The following ZFYVE9 variants were observed in gnomAD, a reference collection of about 807,000 sequenced individuals.
The protein encoded by ZFYVE9 is zinc finger FYVE domain-containing protein 9.
ZFYVE9 carries 43 observed loss-of-function variants against 126.7 expected under a neutral mutation model. The observed-to-expected ratio is 0.34, with a 90% confidence interval of 0.27 to 0.44. ZFYVE9 has a LOEUF of 0.44. ZFYVE9 is among the 20% of genes least tolerant of loss of function. The probability of loss-of-function intolerance (pLI) is 1.00; values close to 1 mark genes in which losing one functional copy is unlikely to be tolerated. For synonymous variants in ZFYVE9, 521 were observed against 597.4 expected, an observed-to-expected ratio of 0.87 and a Z score of 1.87; for missense variants, 1,476 against 1,697.0, an observed-to-expected ratio of 0.87 and a Z score of 2.29.
chr1:52,293,677 C>A lies in ZFYVE9; in HGVS notation c.3250C>A (p.Leu1084Ile). 1 of 1,613,154 alleles carries A rather than the reference C, an allele frequency of 6.2e-7. No individual in the cohort carries two copies. Among genetic ancestry groups the A allele is most frequent in the East Asian group, 2.2e-5 (1 of 44,854 alleles). ...LMLRLGAEYR[L>I]YPCPLFSVRF... ...GTTGAGACTTGGAGCTGAATATCGA[C>A]GTAAGTAGTAAAAACACGTTTTTCA... is the stretch of plus-strand genomic sequence containing the variant. Residue 1084 changes from leucine (L) to isoleucine (I), a missense_variant and splice_region_variant, in exon 11 of 19, where the codon CTT (leucine) becomes ATT (isoleucine). Leu to Ile is a conservative substitution (Grantham distance 5). Around this residue, in one of 2 missense-constraint regions of ZFYVE9, gnomAD observed 669 missense variants for 902.4 expected, o/e 0.74. Coordinates refer to ENST00000287727, the MANE Select transcript of ZFYVE9 (RefSeq NM_004799.4).
Position 52,337,852 on chromosome 1 carries a change from ACC to A in ZFYVE9, c.3752_3753del (p.Thr1251MetfsTer20). 1 of 1,614,244 alleles carries A rather than the reference ACC, an allele frequency of 6.2e-7. No homozygotes were observed. The highest frequency in any genetic ancestry group is 2.2e-5 in the East Asian group (1 of 44,882). On this transcript the variant is annotated frameshift_variant, in exon 16 of 19. Transcript: ENST00000287727. LOFTEE classifies it high-confidence loss of function. ...GCGAGAGATGAAGGACTTCACCATCACCTGTGGGAAGGCGGACGCGGAGGAAC... is the reference window on the plus strand; with the variant it reads ...GCGAGAGATGAAGGACTTCACCATCATGTGGGAAGGCGGACGCGGAGGAAC... ...ALREMKDFTI[T>X]CGKADAEEPQ... is the part of the protein sequence containing the mutation.
At chr1:52,184,726 T>A (rs1644748612) in intron 1 of ZFYVE9, among the ~76,000 whole-genome samples, 1 of 152,068 alleles carries the variant, frequency 6.6e-6, no homozygotes, top group South Asian at 2.1e-4. Flanking sequence ...TAGCTGCTAA[T>A]GTTCAGTGTA....
At chr1:52,298,806 G>GTTTTT (rs747544817) in intron 12 of ZFYVE9, among the ~76,000 whole-genome samples, 26 of 109,164 alleles carry the variant, frequency 2.4e-4, no homozygotes, top group South Asian at 1.2e-3. Flanking sequence ...CTTTGTCAAT[G>GTTTTT]TTTTTTTTTT....
intron 16 of ZFYVE9, among the ~76,000 whole-genome samples, chr1:52,338,561 T>C (rs1389832692): frequency 6.6e-6 from 1 of 152,232 alleles, no homozygotes. Flanking sequence ...CTTTGTATCC[T>C]TTCTCAAAGG....
At chr1:52,147,319 G>GT (rs1227058068) in intron 1 of ZFYVE9, among the ~76,000 whole-genome samples, 2 of 152,200 alleles carry the variant, frequency 1.3e-5, no homozygotes, top group Non-Finnish European at 2.9e-5. Flanking sequence ...TCACAGAGTT[G>GT]TGCAAACATC....
chr1:52,161,723 T>C (rs1644461661), intron 1 of ZFYVE9, among the ~76,000 whole-genome samples: 1 of 152,228 alleles, frequency 6.6e-6, no homozygotes, highest in Non-Finnish European at 1.5e-5. Flanking sequence ...TTTTCTTTTA[T>C]AGCTTCAAAC....
At chr1:52,276,713 T>A (rs906356707) in intron 8 of ZFYVE9, among the ~76,000 whole-genome samples, 2 of 152,236 alleles carry the variant, frequency 1.3e-5, no homozygotes, top group Non-Finnish European at 2.9e-5. Flanking sequence ...AATGGTTAAT[T>A]CTTCTCTGAA....
intron 13 of ZFYVE9, among the ~76,000 whole-genome samples, chr1:52,329,236 A>G (rs897119281): frequency 3.9e-5 from 6 of 152,236 alleles, no homozygotes; most frequent in African/African-American, 9.6e-5. Context: ...GGGGCCCTTA[A>G]TAGCCCTTCG....
chr1:52,318,639 C>T (rs372490057), intron 13 of ZFYVE9, among the ~76,000 whole-genome samples: 5 of 151,788 alleles, frequency 3.3e-5, no homozygotes, highest in African/African-American at 9.7e-5. Context: ...AAAAGACTGT[C>T]GGTATTCATG....
chr1:52,238,987 G>A lies in ZFYVE9; in HGVS notation c.1570G>A (p.Gly524Arg). The change falls in exon 4 of 19, where the codon GGA (glycine) becomes AGA (arginine). Residue 524 changes from glycine to arginine, a missense_variant. This residue lies in a region of ZFYVE9 where 807 missense variants were observed against 794.6 expected (regional missense o/e 1.02). Transcript: ENST00000287727. ...ECYSNIYEQR[G>R]NEATEGSGLL... ...CTACTCAAATATTTATGAACAGAGA[G>A]GAAATGAGGCCACAGAAGGGAGTGG... 1.9e-6 allele frequency: 3 copies of A among 1,614,132 alleles called. No homozygotes were observed. The highest frequency in any genetic ancestry group is 2.5e-6 in the Non-Finnish European group (3 of 1,180,004).
rs1240618548 is a variant in ZFYVE9 at position 52,205,153 on chromosome 1, C to T, written c.-142-11216C>T. On this transcript the variant is annotated intron_variant, in intron 1 of 18. Coordinates refer to ENST00000287727, the MANE Select transcript of ZFYVE9 (RefSeq NM_004799.4). ...GCGGTGGCATGATCTGGGTTCACTG[C>T]AGCCTCGCCCTCCTGGGCTCAAGCA... Among the ~76,000 whole-genome samples, 7 of 148,638 alleles carry T rather than the reference C, an allele frequency of 4.7e-5. No homozygotes were observed. The East Asian group carries it at 1.4e-3, about 29-fold the overall frequency.
In ZFYVE9 at chr1:52,210,247, C is replaced by T. The variant is rs1307162772; in HGVS notation, c.-142-6122C>T. On this transcript the variant is annotated intron_variant, in intron 1 of 18. Coordinates refer to ENST00000287727, the MANE Select transcript of ZFYVE9 (RefSeq NM_004799.4). ...TGCCAATATATAAGTAGTAAAATGG[C>T]ACTGGAACATTAATGAGTCAGAAAA... Among the ~76,000 whole-genome samples the T allele has an allele frequency of 2.6e-5, 4 of 152,216 alleles. No homozygotes were observed. The South Asian group carries it at 6.2e-4, about 24-fold the overall frequency.
intron 1 of ZFYVE9, among the ~76,000 whole-genome samples, chr1:52,213,006 C>T (rs1645041405): frequency 6.6e-6 from 1 of 152,180 alleles, no homozygotes; most frequent in Non-Finnish European, 1.5e-5. Flanking sequence ...GTATACCTAT[C>T]CATCTATCCA....
At chr1:52,195,284 C>A (rs146593104) in intron 1 of ZFYVE9, among the ~76,000 whole-genome samples, 35 of 152,234 alleles carry the variant, frequency 2.3e-4, no homozygotes, top group Admixed American at 3.9e-4. Context: ...AATGTTGTTT[C>A]CAAATATATA....
chr1:52,156,787 C>T (rs1644406607), intron 1 of ZFYVE9, among the ~76,000 whole-genome samples: 2 of 152,010 alleles, frequency 1.3e-5, no homozygotes, highest in African/African-American at 2.4e-5. Flanking sequence ...CTCTGTGACC[C>T]ATAGTCTTTG....
chr1:52,345,405 C>A (rs1280757169), intron 18 of ZFYVE9, among the ~76,000 whole-genome samples: 1 of 152,182 alleles, frequency 6.6e-6, no homozygotes, highest in Non-Finnish European at 1.5e-5. Context: ...GAAACTGGTT[C>A]CTGATCACAG....
intron 1 of ZFYVE9, among the ~76,000 whole-genome samples, chr1:52,209,666 G>A (rs1245356861): frequency 2.0e-5 from 3 of 152,080 alleles, no homozygotes; most frequent in African/African-American, 7.2e-5. Flanking sequence ...AGCATGTATT[G>A]GTATGAAGGT....
intron 13 of ZFYVE9, among the ~76,000 whole-genome samples, chr1:52,326,586 T>C (rs1330570880): frequency 6.6e-6 from 1 of 150,934 alleles, no homozygotes; most frequent in African/African-American, 2.4e-5. Flanking sequence ...TGGTGGATCA[T>C]GCCTGTAATC....
intron 13 of ZFYVE9, among the ~76,000 whole-genome samples, chr1:52,308,642 T>TACTCTTCACCTGCCTAACCCCC (rs1646108650): frequency 6.6e-6 from 1 of 152,214 alleles, no homozygotes. Context: ...ATACTTCCCC[T>TACTCTTCACCTGCCTAACCCCC]ACTCTTCACC....
Sources: allele counts gnomAD v4.1 joint callset (sites outside exome capture counted in the v4.1 genomes callset), GRCh38; gene constraint gnomAD v4.1.1; regional missense constraint gnomAD v4.1.1; transcripts MANE v1.5; gene names NCBI Gene and HGNC (gene_info 2026-07-23, HGNC 2026-07-21).